The following MTHFD2L variants were observed in gnomAD, a reference collection of about 807,000 sequenced individuals.
MTHFD2L encodes the protein bifunctional methylenetetrahydrofolate dehydrogenase/cyclohydrolase 2, mitochondrial.
MTHFD2L carries 29 observed loss-of-function variants against 34.9 expected under a neutral mutation model. The observed-to-expected ratio is 0.83, with a 90% CI of 0.62 to 1.13. The LOEUF is 1.13. Ranked by LOEUF, MTHFD2L falls within the 50% of genes most tolerant of loss-of-function variation. The pLI is 0.00. For missense variants in MTHFD2L, 481 were observed against 446.5 expected (o/e 1.08, Z -0.70); for synonymous variants, 167 against 155.7 (o/e 1.07, Z -0.54).
intron 2 of MTHFD2L, among the ~76,000 whole-genome samples, chr4:74,115,274 T>A (rs1349603177): frequency 6.6e-6 from 1 of 152,216 alleles, no homozygotes; most frequent in Non-Finnish European, 1.5e-5. Flanking sequence ...TTTAGAATAT[T>A]TATTTAAGTA....
At chr4:74,297,256 G>C (rs1245944696) in intron 7 of MTHFD2L, among the ~76,000 whole-genome samples, 1 of 152,026 alleles carries the variant, frequency 6.6e-6, no homozygotes, top group African/African-American at 2.4e-5. Context: ...ATTCTCCAGA[G>C]CAAGTTTAAT....
intron 7 of MTHFD2L, among the ~76,000 whole-genome samples, chr4:74,292,969 CTTCTAAGTGGTATGAGTGGTATTTTT>C (rs1393323331): frequency 9.2e-5 from 14 of 152,014 alleles, no homozygotes; most frequent in Non-Finnish European, 1.8e-4. Flanking sequence ...CACTAATTGT[CTTCTAAGTGGTATGAGTGGTATTTTT>C]TTCTAAGTGG....
chr4:74,138,794 TGGGAG>T (rs1446994867), intron 1 of MTHFD2L, among the ~76,000 whole-genome samples: 1 of 152,152 alleles, frequency 6.6e-6, no homozygotes, highest in Non-Finnish European at 1.5e-5. Context: ...TCCCATACAA[TGGGAG>T]GGGACCCAAA....
intron 1 of MTHFD2L, among the ~76,000 whole-genome samples, chr4:74,129,535 T>A (rs1244676807): frequency 1.3e-5 from 2 of 152,066 alleles, no homozygotes; most frequent in Non-Finnish European, 2.9e-5. Context: ...TTAAAACCAA[T>A]TAGAAGAAAG....
chr4:74,168,228 A>G (rs950075757), intron 1 of MTHFD2L, among the ~76,000 whole-genome samples: 1 of 152,186 alleles, frequency 6.6e-6, no homozygotes, highest in Non-Finnish European at 1.5e-5. Flanking sequence ...CTGATGTCCC[A>G]TTCCTTCTCT....
chr4:74,163,939 G>A (rs936710477), intron 1 of MTHFD2L, among the ~76,000 whole-genome samples: 1 of 152,142 alleles, frequency 6.6e-6, no homozygotes, highest in Admixed American at 6.5e-5. Context: ...GCAATAGCAC[G>A]ATCTTGGCTC....
chr4:74,183,808 T>C (rs1730636617), intron 3 of MTHFD2L: 1 of 46,584 alleles, frequency 2.1e-5, no homozygotes, highest in Non-Finnish European at 1.8e-4. Flanking sequence ...TGTTATAATA[T>C]ATTGTTCTTA....
chr4:74,286,180 T>G (rs1560562288), intron 7 of MTHFD2L, among the ~76,000 whole-genome samples: 1 of 152,170 alleles, frequency 6.6e-6, no homozygotes, highest in African/African-American at 2.4e-5. Context: ...CCTCTTCTAT[T>G]ACTTGAACAT....
chr4:74,259,492 C>G (rs1361134494), intron 6 of MTHFD2L, among the ~76,000 whole-genome samples: 2 of 152,184 alleles, frequency 1.3e-5, no homozygotes, highest in Non-Finnish European at 2.9e-5. Context: ...CACTGGGCCA[C>G]TGCACCTGCC....
chr4:74,167,055 A>G (rs1463464406), intron 1 of MTHFD2L, among the ~76,000 whole-genome samples: 2 of 152,158 alleles, frequency 1.3e-5, no homozygotes. Context: ...CTATGAACCT[A>G]GGCTTCAGGT....
At chr4:74,226,407 A>G (rs563053520) in intron 6 of MTHFD2L, among the ~76,000 whole-genome samples, 2 of 152,304 alleles carry the variant, frequency 1.3e-5, no homozygotes, top group African/African-American at 4.8e-5. Context: ...ACTTCCTTCA[A>G]TGATGAGACT....
intron 3 of MTHFD2L, among the ~76,000 whole-genome samples, chr4:74,187,039 A>G (rs917976457): frequency 6.6e-6 from 1 of 152,208 alleles, no homozygotes; most frequent in Non-Finnish European, 1.5e-5. Context: ...CAAAAGTGGA[A>G]AGGCAAATAA....
intron 1 of MTHFD2L, among the ~76,000 whole-genome samples, chr4:74,144,735 G>GTGCA (rs1723486383): frequency 6.6e-6 from 1 of 152,034 alleles, no homozygotes; most frequent in South Asian, 2.1e-4. Context: ...ATGGCTCACT[G>GTGCA]TTGGCTTTGT....
In MTHFD2L at chr4:74,244,389, T is replaced by G. The variant is rs149522083; in HGVS notation, c.805+18995T>G. 7.2e-3 allele frequency among the ~76,000 whole-genome samples: 1,093 copies of G among 152,298 alleles called. 10 individuals carry two copies. The highest frequency in any genetic ancestry group is 0.012 in the Non-Finnish European group (805 of 68,026). ...AGGAAGATATAAAAGCAAAGTCTAG[T>G]AATAGGTTCCAAAGTCACCCAGGTG... On this transcript the variant is annotated intron_variant, in intron 6 of 7. Transcript: ENST00000325278.
At chr4:74,196,524 A>C (rs978986216) in intron 3 of MTHFD2L, among the ~76,000 whole-genome samples, 2 of 152,220 alleles carry the variant, frequency 1.3e-5, no homozygotes, top group Admixed American at 6.5e-5. Flanking sequence ...GGGGAAGTGG[A>C]AGGTGGCATT....
intron 1 of MTHFD2L, among the ~76,000 whole-genome samples, chr4:74,128,651 T>C (rs1056961705): frequency 7.2e-5 from 11 of 152,172 alleles, no homozygotes; most frequent in African/African-American, 2.7e-4. Context: ...GATAGTGTGA[T>C]GCTTCCAGCT....
chr4:74,130,245 C>A (rs1342392298), intron 1 of MTHFD2L, among the ~76,000 whole-genome samples: 1 of 152,100 alleles, frequency 6.6e-6, no homozygotes, highest in Non-Finnish European at 1.5e-5. Flanking sequence ...ATGAGGTCAT[C>A]ATCACCCTGA....
At chr4:74,294,083 T>C (rs1477034963) in intron 7 of MTHFD2L, among the ~76,000 whole-genome samples, 5 of 152,010 alleles carry the variant, frequency 3.3e-5, no homozygotes, top group Admixed American at 6.6e-5. Flanking sequence ...GAGTACTTCT[T>C]TAAAAGAGAC....
intron 5 of MTHFD2L, among the ~76,000 whole-genome samples, chr4:74,223,632 C>A (rs201971272): frequency 2.4e-5 from 1 of 42,052 alleles, no homozygotes; most frequent in African/African-American, 6.1e-5. Context: ...AACTTAAAAA[C>A]AAATAAAAAT....
Sources: allele counts gnomAD v4.1 joint callset (sites outside exome capture counted in the v4.1 genomes callset), GRCh38; gene constraint gnomAD v4.1.1; transcripts MANE v1.5; gene names NCBI Gene and HGNC (gene_info 2026-07-23, HGNC 2026-07-21).